LDAH: variants seen among roughly 807,000 people sequenced by gnomAD.
The protein encoded by LDAH is lipid droplet associated hydrolase.
A neutral mutation model predicts 29.6 loss-of-function variants in LDAH; 26 were observed. That is an observed-to-expected ratio of 0.88 (90% CI 0.64 to 1.22). The LOEUF (loss-of-function observed/expected upper bound fraction) is 1.22, where lower values mean the gene tolerates loss of function less well. LDAH is among the 50% of genes most tolerant of loss of function. The probability of loss-of-function intolerance (pLI) is 0.00; values close to 1 mark genes in which losing one functional copy is unlikely to be tolerated. For missense variants in LDAH, 344 were observed against 387.3 expected (o/e 0.89, Z 0.94); for synonymous variants, 117 against 133.0 (o/e 0.88, Z 0.83).
chr2:20,769,438 T>TA (rs1161517385), intron 4 of LDAH, among the ~76,000 whole-genome samples: 9 of 152,206 alleles, frequency 5.9e-5, no homozygotes, highest in Admixed American at 5.9e-4. Flanking sequence ...TCTCAACTGT[T>TA]AAACATAGCT....
chr2:20,735,435 T>A (rs1253243570), intron 5 of LDAH, among the ~76,000 whole-genome samples: 1 of 152,176 alleles, frequency 6.6e-6, no homozygotes, highest in East Asian at 1.9e-4. Flanking sequence ...AAATTTGTTC[T>A]AAAATTTCCA....
chr2:20,814,853 T>C (rs1672743349), intron 1 of LDAH, among the ~76,000 whole-genome samples: 1 of 152,216 alleles, frequency 6.6e-6, no homozygotes, highest in African/African-American at 2.4e-5. Flanking sequence ...GCCTAAATTC[T>C]CTTCTCCATT....
chr2:20,750,629 T>C (rs1667904708), intron 4 of LDAH, among the ~76,000 whole-genome samples: 1 of 152,232 alleles, frequency 6.6e-6, no homozygotes, highest in Non-Finnish European at 1.5e-5. Context: ...ACAGCAAAGT[T>C]TGCATTAAGT....
At chr2:20,793,935 A>G (rs1474715568) in intron 2 of LDAH, among the ~76,000 whole-genome samples, 2 of 152,188 alleles carry the variant, frequency 1.3e-5, no homozygotes, top group African/African-American at 4.8e-5. Flanking sequence ...TCAAACATTT[A>G]AGGAAGAAAA....
intron 1 of LDAH, among the ~76,000 whole-genome samples, chr2:20,802,587 C>T (rs1671783702): frequency 6.6e-6 from 1 of 152,160 alleles, no homozygotes; most frequent in African/African-American, 2.4e-5. Context: ...TTCTCTTCCC[C>T]TCTCTTCCAC....
intron 1 of LDAH, among the ~76,000 whole-genome samples, chr2:20,802,526 C>CCTCAT (rs1671779398): frequency 6.6e-6 from 1 of 152,206 alleles, no homozygotes; most frequent in Non-Finnish European, 1.5e-5. Flanking sequence ...CCTCTGCCTT[C>CCTCAT]CTCATCTACT....
At chr2:20,822,241 C>T (rs1175570192) in intron 1 of LDAH, among the ~76,000 whole-genome samples, 1 of 152,140 alleles carries the variant, frequency 6.6e-6, no homozygotes, top group African/African-American at 2.4e-5. Flanking sequence ...TCTCCTGCTT[C>T]AGTCTCCCGA....
intron 5 of LDAH, among the ~76,000 whole-genome samples, chr2:20,710,654 T>C (rs1363761777): frequency 1.5e-5 from 2 of 136,620 alleles, no homozygotes; most frequent in African/African-American, 5.2e-5. Flanking sequence ...TATACATATA[T>C]ATACACATAT....
intron 6 of LDAH, among the ~76,000 whole-genome samples, chr2:20,692,380 T>C (rs1042980846): frequency 6.6e-6 from 1 of 152,216 alleles, no homozygotes; most frequent in African/African-American, 2.4e-5. Context: ...AGAGGATTTA[T>C]AGTAAGAACA....
intron 5 of LDAH, among the ~76,000 whole-genome samples, chr2:20,723,146 A>G (rs1485710051): frequency 6.6e-6 from 1 of 152,268 alleles, no homozygotes; most frequent in Non-Finnish European, 1.5e-5. Flanking sequence ...GCATTCATCC[A>G]GTGGAAAAGT....
At chr2:20,692,264 G>A (rs546741289) in intron 6 of LDAH, among the ~76,000 whole-genome samples, 13 of 152,196 alleles carry the variant, frequency 8.5e-5, no homozygotes, top group South Asian at 4.2e-4. Flanking sequence ...AAAGCCCTAC[G>A]GGACCCCAAA....
chr2:20,731,842 T>C (rs1666430055), intron 5 of LDAH, among the ~76,000 whole-genome samples: 1 of 150,180 alleles, frequency 6.7e-6, no homozygotes, highest in Non-Finnish European at 1.5e-5. Context: ...GGGATTGTCA[T>C]TTTTTTCTTT....
At chr2:20,710,617 T>TATATATATATATATATATATATAGATAG (rs1558399179) in intron 5 of LDAH, among the ~76,000 whole-genome samples, 3 of 132,882 alleles carry the variant, frequency 2.3e-5, no homozygotes, top group African/African-American at 7.9e-5. Context: ...TATATATATA[T>TATATATATATATATATATATATAGATAG]ATAGATATAT....
chr2:20,711,442 G>T (rs1664758548), intron 5 of LDAH, among the ~76,000 whole-genome samples: 1 of 151,662 alleles, frequency 6.6e-6, no homozygotes, highest in African/African-American at 2.4e-5. Flanking sequence ...AATAGGAACA[G>T]CTCCGGTCTG....
intron 1 of LDAH, among the ~76,000 whole-genome samples, chr2:20,801,977 T>C (rs2125109700): frequency 6.6e-6 from 1 of 151,398 alleles, no homozygotes; most frequent in South Asian, 2.1e-4. Flanking sequence ...TGTGTGTGTG[T>C]ATGTATGAAT....
At chr2:20,791,846 T>C (rs1254997522) in intron 2 of LDAH, among the ~76,000 whole-genome samples, 1 of 152,244 alleles carries the variant, frequency 6.6e-6, no homozygotes, top group Admixed American at 6.5e-5. Flanking sequence ...ATTTATTATA[T>C]AATCCATTCT....
chr2:20,740,198 C>T lies in LDAH; in HGVS notation c.476G>A (p.Arg159His), dbSNP rs757166551. 3.5e-5 allele frequency: 56 copies of T among 1,610,278 alleles called. 1 individual carries two copies. In the South Asian group the frequency reaches 5.2e-4, roughly 15 times the overall value. The change falls in exon 5 of 7, where the codon CGT becomes CAT. Residue 159 changes from arginine (R) to histidine (H), a missense_variant. Transcript: ENST00000237822. ...AATTGTTGGAAAGAGCAGAAAGGCACGAATTACCTGCAATAAAGAAGCATA... is the reference window on the plus strand; with the variant it reads ...AATTGTTGGAAAGAGCAGAAAGGCATGAATTACCTGCAATAAAGAAGCATA... ...LKRVPELPVI[R>H]AFLLFPTIER...
chr2:20,759,428 T>C (rs1428872035), intron 4 of LDAH, among the ~76,000 whole-genome samples: 1 of 152,178 alleles, frequency 6.6e-6, no homozygotes, highest in Non-Finnish European at 1.5e-5. Flanking sequence ...GAAGCATCTT[T>C]CATTTAGTGC....
intron 1 of LDAH, among the ~76,000 whole-genome samples, chr2:20,806,120 G>C (rs1672051472): frequency 6.6e-6 from 1 of 151,986 alleles, no homozygotes; most frequent in African/African-American, 2.4e-5. Context: ...TGTCCAAATA[G>C]TTTTCAATTA....
Sources: allele counts gnomAD v4.1 joint callset (sites outside exome capture counted in the v4.1 genomes callset), GRCh38; gene constraint gnomAD v4.1.1; transcripts MANE v1.5; gene names NCBI Gene and HGNC (gene_info 2026-07-23, HGNC 2026-07-21).